RAD9A: variants seen among roughly 807,000 people sequenced by gnomAD.
RAD9A encodes cell cycle checkpoint control protein RAD9A.
Under a neutral mutation model 41.2 loss-of-function variants are expected in RAD9A, and 25 were observed. That is an observed-to-expected ratio of 0.61 (90% CI 0.44 to 0.85). RAD9A has a LOEUF of 0.85. Among genes scored for constraint, RAD9A ranks in the 40% least tolerant of loss-of-function variants. The pLI is 0.00. For synonymous variants in RAD9A, 252 were observed against 210.6 expected (o/e 1.20, Z -1.70); for missense variants, 514 against 518.3 (o/e 0.99, Z 0.08).
intron 5 of RAD9A, 119 bp from the exon 6 acceptor site, chr11:67,395,597 G>A (rs1392416140): frequency 2.3e-5 from 17 of 736,806 alleles, no homozygotes; most frequent in Non-Finnish European, 3.1e-5. Flanking sequence ...CCTCATCCAC[G>A]GTGCGCTAGG....
In RAD9A at chr11:67,396,325, C is replaced by CA. The variant is rs1862693932; in HGVS notation, c.798dup (p.Asp267ArgfsTer35). On this transcript the variant is annotated frameshift_variant, in exon 9 of 11. Coordinates refer to ENST00000307980, the MANE Select transcript of RAD9A (RefSeq NM_004584.3). LOFTEE classifies it high-confidence loss of function. ...GGCCACTTTGTCTTGGCCACACTCT[C>CA]AGACACCGACTCGCACTCCCAGGAC... is the stretch of plus-strand genomic sequence containing the variant. 2 of 1,614,082 alleles carry CA rather than the reference C, an allele frequency of 1.2e-6. No homozygotes were observed.
In RAD9A at chr11:67,396,335, C is replaced by T. The variant is rs1565118004; in HGVS notation, c.807C>T (p.Asp269=). Reference sequence around the variant, plus strand: ...TCTTGGCCACACTCTCAGACACCGACTCGCACTCCCAGGACCTGGGCTCCC... The same window carrying T: ...TCTTGGCCACACTCTCAGACACCGATTCGCACTCCCAGGACCTGGGCTCCC... The part of the protein sequence containing the change: ...HFVLATLSDT[D]SHSQDLGSPE... The change falls in exon 9 of 11, where the codon GAC becomes GAT. Residue 269 remains aspartate, a synonymous_variant. Transcript: ENST00000307980. The T allele has an allele frequency of 1.2e-6, 2 of 1,614,070 alleles. No individual in the cohort carries two copies. Among genetic ancestry groups the T allele is most frequent in the South Asian group, 1.1e-5 (1 of 91,084 alleles).
At chr11:67,394,261 C>T (rs1228393416) in intron 5 of RAD9A, among the ~76,000 whole-genome samples, 3 of 152,172 alleles carry the variant, frequency 2.0e-5, no homozygotes, top group South Asian at 2.1e-4. Flanking sequence ...TGCCCAGGAT[C>T]GAGGAGTCCC....
rs371206776 is a variant in RAD9A, at chr11:67,396,184, C to T, written c.734+9C>T. 19 of 1,613,936 alleles carry T rather than the reference C, an allele frequency of 1.2e-5. No homozygotes were observed. The highest frequency in any genetic ancestry group is 1.4e-5 in the Non-Finnish European group (17 of 1,179,930). On this transcript the variant is annotated intron_variant, in intron 8 of 10. Coordinates refer to ENST00000307980, the MANE Select transcript of RAD9A (RefSeq NM_004584.3). ...TTTGATGCTCCAGGCAGGTAGTTCC[C>T]AGCCTTGGGACAGGGAAGGGCTCTG...
intron 10 of RAD9A, 24 bp downstream of exon 10, chr11:67,397,410 G>A (rs1398349157): frequency 4.4e-6 from 7 of 1,588,828 alleles, no homozygotes; most frequent in Non-Finnish European, 6.0e-6. Flanking sequence ...GTGGAGGCAG[G>A]GGTGGGAGGT....
Position 67,393,545 on chromosome 11 carries a change from A to G in RAD9A, c.284A>G (p.Glu95Gly), listed in dbSNP as rs1411887555. The G allele has an allele frequency of 1.2e-6, 2 of 1,614,166 alleles. No individual in the cohort carries two copies. Among genetic ancestry groups the G allele is most frequent in the East Asian group, 2.2e-5 (1 of 44,874 alleles). ...CTGGCGATGCTGGAGAAGACGGTGG[A>G]AAAATGCTGCATCTCCCTGAATGGC... ...RSLAMLEKTV[E>G]KCCISLNGRS... The change falls in exon 4 of 11, where the codon GAA (glutamate) becomes GGA (glycine). Residue 95 changes from glutamate to glycine, a missense_variant. This residue lies in a region of RAD9A where 268 missense variants were observed against 279.3 expected (regional missense o/e 0.96). Transcript: ENST00000307980.
Position 67,397,516 on chromosome 11 carries a change from G to A in RAD9A, c.1133G>A (p.Gly378Asp), listed in dbSNP as rs759737570. 1.2e-6 allele frequency: 2 copies of A among 1,612,160 alleles called. No homozygotes were observed. Among genetic ancestry groups the A allele is most frequent in the Non-Finnish European group, 1.7e-6 (2 of 1,179,004 alleles). Residue 378 changes from glycine to aspartate, a missense_variant, in exon 11 of 11, where the codon GGC (glycine) becomes GAC (aspartate). Gly to Asp is a moderately conservative substitution (Grantham distance 94). Transcript: ENST00000307980. Reference sequence around the variant, plus strand: ...CTGGCCCCTGTACGCTCCCCCCAGGGCCCCAGCCCTGTGCTGGCGGAAGAC... The same window carrying A: ...CTGGCCCCTGTACGCTCCCCCCAGGACCCCAGCCCTGTGCTGGCGGAAGAC... ...SILAPVRSPQ[G>D]PSPVLAEDSE...
At chr11:67,392,481 C>T (rs1490391138) in intron 2 of RAD9A, among the ~76,000 whole-genome samples, 173 bp from the exon 3 acceptor site, 2 of 152,138 alleles carry the variant, frequency 1.3e-5, no homozygotes, top group Non-Finnish European at 2.9e-5. Context: ...CCCTCCTCTG[C>T]GGCAGCAGCG....
In RAD9A at chr11:67,393,539, C is replaced by T. The variant is rs746214683; in HGVS notation, c.278C>T (p.Thr93Met). The T allele has an allele frequency of 3.2e-5, 52 of 1,614,060 alleles. No homozygotes were observed. The highest frequency in any genetic ancestry group is 1.1e-4 in the African/African-American group (8 of 74,916). ...CGCTCACTGGCGATGCTGGAGAAGA[C>T]GGTGGAAAAATGCTGCATCTCCCTG... ...VFRSLAMLEKTVEKCCISLNG... is the reference protein window; with the variant it reads ...VFRSLAMLEKMVEKCCISLNG... The change falls in exon 4 of 11, where the codon ACG (threonine) becomes ATG (methionine). Residue 93 changes from threonine (T) to methionine (M), a missense_variant. Thr to Met is a moderately conservative substitution (Grantham distance 81, BLOSUM62 -1). Transcript: ENST00000307980.
At position 67,393,039 on chromosome 11, in the gene RAD9A, T is replaced by C. The variant is rs1407111275; in HGVS notation, c.234+257T>C. 49 of 469,484 alleles carry C rather than the reference T, an allele frequency of 1.0e-4. No individual in the cohort carries two copies. The East Asian group carries it at 2.6e-3, about 25-fold the overall frequency. The allele number at this position is 469,484 out of a possible 1,614,324, so 29.1% of individuals were successfully genotyped here. A position where few individuals can be genotyped will look rare whatever the true frequency, so the allele number is the denominator to read the frequency against. ...GCTCACGCCTGTAATCCCAGCACTT[T>C]GGGAGGCCGAGGCAGGCGGATCACG... On this transcript the variant is annotated intron_variant, in intron 3 of 10. Coordinates refer to ENST00000307980, the MANE Select transcript of RAD9A (RefSeq NM_004584.3).
chr11:67,392,246 T>TGTGGGGGGG lies in RAD9A; in HGVS notation c.105+23_105+24insGGTGGGGGG. On this transcript the variant is annotated intron_variant, in intron 2 of 10. Transcript: ENST00000307980. ...TGGAGGACGGGGTGAGGGGCTAGGG[T>TGTGGGGGGG]GTGGGGGGCGGGTGGGACTCCAGCC... The TGTGGGGGGG allele has an allele frequency of 1.8e-6, 1 of 558,108 alleles. No individual in the cohort carries two copies. The highest frequency in any genetic ancestry group is 3.2e-6 in the Non-Finnish European group (1 of 312,374). The allele number at this position is 558,108 out of a possible 1,614,324, so 34.6% of individuals were successfully genotyped here.
chr11:67,392,747 G>T lies in RAD9A; in HGVS notation c.199G>T (p.Gly67Cys). The T allele has an allele frequency of 6.2e-7, 1 of 1,614,068 alleles. No homozygotes were observed. ...CCAGCAATACCAGGCAGCCACCCCTGGTCAGGACCTGCTGCGCTGTAAGAT... is the reference window on the plus strand; with the variant it reads ...CCAGCAATACCAGGCAGCCACCCCTTGTCAGGACCTGCTGCGCTGTAAGAT... Reference protein sequence around the residue: ...FFQQYQAATPGQDLLRCKILM... With the variant: ...FFQQYQAATPCQDLLRCKILM... The change falls in exon 3 of 11, where the codon GGT (glycine) becomes TGT (cysteine). Residue 67 changes from glycine to cysteine, a missense_variant. By Grantham distance (159) the Gly-to-Cys change is radical (BLOSUM62 -3). Transcript: ENST00000307980.
At position 67,397,262 on chromosome 11, in the gene RAD9A, C is replaced by T. The variant is rs1376254269; in HGVS notation, c.956C>T (p.Ser319Leu). The T allele has an allele frequency of 1.1e-5, 18 of 1,611,804 alleles. No homozygotes were observed. Among genetic ancestry groups the T allele is most frequent in the Middle Eastern group, 1.7e-4 (1 of 6,058 alleles). Reference protein sequence around the residue: ...AMETTIGNEGSRVLPSISLSP... With the variant: ...AMETTIGNEGLRVLPSISLSP... ...GAAACCACTATAGGCAATGAGGGCT[C>T]GCGGGTGCTGCCCTCCATTTCCCTT... Residue 319 changes from serine to leucine, a missense_variant, in exon 10 of 11, where the codon TCG becomes TTG. Coordinates refer to ENST00000307980, the MANE Select transcript of RAD9A (RefSeq NM_004584.3).
chr11:67,392,567 G>A, intron 2 of RAD9A, 87 bp from the exon 3 acceptor site: 3 of 1,540,618 alleles, frequency 1.9e-6, no homozygotes, highest in Non-Finnish European at 1.8e-6. Context: ...GAGGACGATA[G>A]GGCAAGTGTG....
Position 67,393,594 on chromosome 11 carries a change from G to C in RAD9A, c.333G>C (p.Gln111His), listed in dbSNP as rs1862596058. Residue 111 changes from glutamine to histidine, a missense_variant, in exon 4 of 11, where the codon CAG becomes CAC. Coordinates refer to ENST00000307980, the MANE Select transcript of RAD9A (RefSeq NM_004584.3). The stretch of plus-strand genomic sequence containing the variant: ...GCCGGAGCAGCCGCCTGGTGGTCCA[G>C]CTGCATTGCAAGTTCGGTGAGTGGG... The part of the protein sequence containing the change: ...LNGRSSRLVV[Q>H]LHCKFGVRKT... 1 of 1,614,228 alleles carries C rather than the reference G, an allele frequency of 6.2e-7. No homozygotes were observed. The highest frequency in any genetic ancestry group is 8.5e-7 in the Non-Finnish European group (1 of 1,180,038).
At position 67,393,799 on chromosome 11, in the gene RAD9A, A is replaced by G. The variant is rs1207643432; in HGVS notation, c.449+9A>G. The G allele has an allele frequency of 1.2e-5, 19 of 1,586,416 alleles. No homozygotes were observed. Among genetic ancestry groups the G allele is most frequent in the Non-Finnish European group, 1.5e-5 (18 of 1,165,394 alleles). The stretch of plus-strand genomic sequence containing the variant: ...CTCCGCGCCCCAGCACGGTGAGCAC[A>G]CCCCTGCCCTCAGCTCAGCCCCGGG... On this transcript the variant is annotated intron_variant, in intron 5 of 10. Transcript: ENST00000307980.
chr11:67,397,450 T>TG lies in RAD9A; in HGVS notation c.1081-13dup, dbSNP rs1862744867. 6.2e-7 allele frequency: 1 copy of TG among 1,604,236 alleles called. No homozygotes were observed. Among genetic ancestry groups the TG allele is most frequent in the South Asian group, 1.1e-5 (1 of 90,692 alleles). ...AAGGGAGCAGCCTCCAGAACTCACT[T>TG]GTTCTCTTTCCAGTTCCGCTCACTG... On this transcript the variant is annotated splice_polypyrimidine_tract_variant and intron_variant, in intron 10 of 10. Coordinates refer to ENST00000307980, the MANE Select transcript of RAD9A (RefSeq NM_004584.3).
In RAD9A at chr11:67,393,576, C is replaced by T. The variant is rs868008265; in HGVS notation, c.315C>T (p.Ser105=). The change falls in exon 4 of 11, where the codon AGC becomes AGT. Residue 105 remains serine (S), a synonymous_variant. Coordinates refer to ENST00000307980, the MANE Select transcript of RAD9A (RefSeq NM_004584.3). ...GCTGCATCTCCCTGAATGGCCGGAG[C>T]AGCCGCCTGGTGGTCCAGCTGCATT... ...EKCCISLNGR[S]SRLVVQLHCK... is the part of the protein sequence containing the mutation. 2 of 1,614,216 alleles carry T rather than the reference C, an allele frequency of 1.2e-6. No individual in the cohort carries two copies. Among genetic ancestry groups the T allele is most frequent in the Middle Eastern group, 1.6e-4 (1 of 6,062 alleles).
At chr11:67,393,251 GC>G in intron 3 of RAD9A, 1 of 1,184,850 alleles carries the variant, frequency 8.4e-7, no homozygotes, top group African/African-American at 1.6e-5. Context: ...CTGCACTCCA[GC>G]CTGGGTGACA....
Sources: allele counts gnomAD v4.1 joint callset (sites outside exome capture counted in the v4.1 genomes callset), GRCh38; gene constraint gnomAD v4.1.1; regional missense constraint gnomAD v4.1.1; transcripts MANE v1.5; gene names NCBI Gene and HGNC (gene_info 2026-07-23, HGNC 2026-07-21).